The following NDRG1 variants were observed in gnomAD, a reference collection of about 807,000 sequenced individuals.
NDRG1 encodes protein NDRG1.
A neutral mutation model predicts 56.9 loss-of-function variants in NDRG1; 32 were observed. The ratio of observed to expected loss-of-function variants is 0.56; its 90% CI spans 0.42 to 0.76. NDRG1 has a LOEUF of 0.76. Among genes scored for constraint, NDRG1 ranks in the 30% least tolerant of loss-of-function variants. NDRG1 has a pLI of 0.00. For missense variants in NDRG1, 507 were observed against 545.7 expected (o/e 0.93, Z 0.71); for synonymous variants, 211 against 204.1 (o/e 1.03, Z -0.29).
intron 1 of NDRG1, among the ~76,000 whole-genome samples, chr8:133,289,832 A>G (rs1295846493): frequency 6.6e-6 from 1 of 152,210 alleles, no homozygotes; most frequent in African/African-American, 2.4e-5. Flanking sequence ...TGGCCTAGGA[A>G]TCAGGGCATG....
intron 12 of NDRG1, 147 bp downstream of exon 12, chr8:133,247,728 T>C: frequency 1.2e-6 from 1 of 862,578 alleles, no homozygotes; most frequent in Non-Finnish European, 1.9e-6. Context: ...CTGGGCCCTC[T>C]GCCCAAAGGC....
chr8:133,249,503 G>A (rs1417875736), intron 10 of NDRG1: 1 of 154,884 alleles, frequency 6.5e-6, no homozygotes, highest in Non-Finnish European at 1.4e-5. Context: ...AGTAATTCCA[G>A]GACCTTCACA....
At chr8:133,253,486 T>C (rs1296361835) in intron 9 of NDRG1, among the ~76,000 whole-genome samples, 3 of 152,214 alleles carry the variant, frequency 2.0e-5, no homozygotes, top group Non-Finnish European at 4.4e-5. Context: ...ACAGAGCACC[T>C]GGGTGGAATC....
chr8:133,250,673 G>T, intron 9 of NDRG1, 130 bp from the exon 10 acceptor site: 1 of 805,142 alleles, frequency 1.2e-6, no homozygotes, highest in Non-Finnish European at 2.1e-6. Context: ...AGACAGCGAC[G>T]GACCTAAAAA....
At chr8:133,250,908 T>TAA (rs75259677) in intron 9 of NDRG1, among the ~76,000 whole-genome samples, 2,272 of 124,804 alleles carry the variant, frequency 0.018, 63 homozygotes, top group African/African-American at 0.056. Context: ...TCAGATCTCT[T>TAA]AAAAAAAAAA....
At chr8:133,274,970 G>T (rs1857381215) in intron 3 of NDRG1, among the ~76,000 whole-genome samples, 1 of 152,190 alleles carries the variant, frequency 6.6e-6, no homozygotes, top group Admixed American at 6.5e-5. Context: ...TGAAGTGCAT[G>T]GCAGACAGGT....
chr8:133,243,035 G>A (rs11784952), intron 14 of NDRG1, among the ~76,000 whole-genome samples: 13,124 of 152,226 alleles, frequency 0.086, 710 homozygotes, highest in African/African-American at 0.15. Context: ...AAGGGCATAC[G>A]TGCAAGGCGT....
chr8:133,244,183 G>T (rs978515172), intron 14 of NDRG1, among the ~76,000 whole-genome samples, 172 bp downstream of exon 14: 1 of 152,128 alleles, frequency 6.6e-6, no homozygotes, highest in Non-Finnish European at 1.5e-5. Flanking sequence ...CTCCACAGGG[G>T]TTGGTTCCTA....
intron 4 of NDRG1, among the ~76,000 whole-genome samples, chr8:133,263,870 C>T (rs1019370246): frequency 6.8e-6 from 1 of 147,460 alleles, no homozygotes; most frequent in Admixed American, 6.9e-5. Flanking sequence ...GAGCCACGAT[C>T]GCACCACTGC....
At chr8:133,244,595 C>T (rs1586407856) in intron 13 of NDRG1, 2 of 651,532 alleles carry the variant, frequency 3.1e-6, no homozygotes, top group East Asian at 2.7e-5. Flanking sequence ...GCAACCATCA[C>T]TTGCAGCTTG....
In NDRG1 at chr8:133,256,850, T is replaced by A; in HGVS notation, c.464A>T (p.Glu155Val). 6.2e-7 allele frequency: 1 copy of A among 1,614,110 alleles called. No individual in the cohort carries two copies. Among genetic ancestry groups the A allele is most frequent in the Non-Finnish European group, 8.5e-7 (1 of 1,180,004 alleles). Residue 155 changes from glutamate (E) to valine (V), a missense_variant, in exon 8 of 16, where the codon GAG becomes GTG. Transcript: ENST00000323851. ...ILTRFALNNPEMVEGLVLINV... is the reference protein window; with the variant it reads ...ILTRFALNNPVMVEGLVLINV... ...GATAAGGACAAGGCCCTCCACCATC[T>A]CAGGGTTGTTTAGCTGCAATTCAAG...
intron 10 of NDRG1, 96 bp from the exon 11 acceptor site, chr8:133,248,867 C>A: frequency 7.1e-7 from 1 of 1,405,314 alleles, no homozygotes; most frequent in South Asian, 1.2e-5. Flanking sequence ...TGCCAGTGGC[C>A]ATTCTGGTAA....
chr8:133,251,316 T>TG (rs1856026228), intron 9 of NDRG1, among the ~76,000 whole-genome samples: 1 of 152,148 alleles, frequency 6.6e-6, no homozygotes. Context: ...AAGTTGGAGT[T>TG]GGGGGTCAAA....
At chr8:133,266,059 G>T (rs759485155) in intron 3 of NDRG1, among the ~76,000 whole-genome samples, 1 of 152,242 alleles carries the variant, frequency 6.6e-6, no homozygotes, top group Non-Finnish European at 1.5e-5. Context: ...GCTGAACCAT[G>T]TCCCTCCATG....
At position 133,274,263 on chromosome 8, in the gene NDRG1, G is replaced by A. The variant is rs137981864; in HGVS notation, c.99+5969C>T. The stretch of plus-strand genomic sequence containing the variant: ...CACCCAGCAGCTCAATGCAGACTCC[G>A]CCAGCAGCTCCTCAGTGCCGAGCTC... On this transcript the variant is annotated intron_variant, in intron 3 of 15. Coordinates refer to ENST00000323851, the MANE Select transcript of NDRG1 (RefSeq NM_006096.4). Among the ~76,000 whole-genome samples, 1,027 of 152,344 alleles carry A rather than the reference G, an allele frequency of 6.7e-3. 4 individuals carry two copies. Among genetic ancestry groups the A allele is most frequent in the Middle Eastern group, 0.024 (7 of 294 alleles).
intron 14 of NDRG1, among the ~76,000 whole-genome samples, chr8:133,242,686 T>G (rs1855450551): frequency 2.1e-5 from 3 of 142,318 alleles, no homozygotes; most frequent in African/African-American, 2.7e-5. Context: ...GATGGATGGG[T>G]GGAAAGAAAA....
At chr8:133,271,715 A>AGTTGCAG (rs1857194355) in intron 3 of NDRG1, among the ~76,000 whole-genome samples, 1 of 141,582 alleles carries the variant, frequency 7.1e-6, no homozygotes, top group Non-Finnish European at 1.5e-5. Flanking sequence ...AGGAGGTCAC[A>AGTTGCAG]GTTGCAGTGA....
chr8:133,277,516 A>G (rs1359486803), intron 3 of NDRG1, among the ~76,000 whole-genome samples: 1 of 152,212 alleles, frequency 6.6e-6, no homozygotes, highest in Non-Finnish European at 1.5e-5. Flanking sequence ...GCAGTGAGCC[A>G]AGATCGCACC....
Position 133,277,986 on chromosome 8 carries a change from G to A in NDRG1, c.99+2246C>T, listed in dbSNP as rs577556529. Among the ~76,000 whole-genome samples the A allele has an allele frequency of 5.9e-5, 9 of 152,302 alleles. No individual in the cohort carries two copies. In the South Asian group the frequency reaches 1.7e-3, roughly 28 times the overall value. ...CTGGAATGGGGCCTTCACCTGAGGA[G>A]GATGGACAATCACATCCCCACTGCA... On this transcript the variant is annotated intron_variant, in intron 3 of 15. Transcript: ENST00000323851.
Sources: allele counts gnomAD v4.1 joint callset (sites outside exome capture counted in the v4.1 genomes callset), GRCh38; gene constraint gnomAD v4.1.1; transcripts MANE v1.5; gene names NCBI Gene and HGNC (gene_info 2026-07-23, HGNC 2026-07-21).